FAM187B: variants seen among roughly 807,000 people sequenced by gnomAD.
FAM187B encodes protein FAM187B.
In FAM187B, 22 loss-of-function variants were observed where a neutral mutation model predicts 22.6. That is an observed-to-expected ratio of 0.97 (90% CI 0.70 to 1.39). The LOEUF (loss-of-function observed/expected upper bound fraction) is 1.39. Among genes scored for constraint, FAM187B ranks in the 40% most tolerant of loss-of-function variants. FAM187B has a pLI of 0.00. For missense variants in FAM187B, 433 were observed against 462.1 expected (o/e 0.94, Z 0.58); for synonymous variants, 192 against 201.8 (o/e 0.95, Z 0.41).
At position 35,227,510 on chromosome 19, in the gene FAM187B, G is replaced by A. The variant is rs1048981474; in HGVS notation, c.722+449C>T. Reference sequence around the variant, plus strand: ...GCTGGGATTACAGGCATGAGCCACCGCGCCCAGCCTGCATTTCTTATTAAG... The same window carrying A: ...GCTGGGATTACAGGCATGAGCCACCACGCCCAGCCTGCATTTCTTATTAAG... On this transcript the variant is annotated intron_variant, in intron 1 of 1. Coordinates refer to ENST00000324675, the MANE Select transcript of FAM187B (RefSeq NM_152481.2). Among the ~76,000 whole-genome samples, 22 of 152,172 alleles carry A rather than the reference G, an allele frequency of 1.4e-4. 1 individual carries two copies. Among genetic ancestry groups the A allele is most frequent in the African/African-American group, 2.4e-5 (1 of 41,458 alleles).
Position 35,228,631 on chromosome 19 carries a change from C to T in FAM187B, c.50G>A (p.Gly17Glu), listed in dbSNP as rs1245612519. ...LLLHFAAPAL[G>E]FYFSISCPSG... is the part of the protein sequence containing the mutation. ...GGGGCAGCTGATGGAAAAGTAGAAC[C>T]CCAGTGCCGGGGCAGCAAAGTGGAG... Residue 17 changes from glycine (G) to glutamate (E), a missense_variant, in exon 1 of 2, where the codon GGG (glycine) becomes GAG (glutamate). Gly to Glu is a moderately conservative substitution (Grantham distance 98). Coordinates refer to ENST00000324675, the MANE Select transcript of FAM187B (RefSeq NM_152481.2). The T allele has an allele frequency of 6.2e-7, 1 of 1,613,462 alleles. No individual in the cohort carries two copies. Among genetic ancestry groups the T allele is most frequent in the Non-Finnish European group, 8.5e-7 (1 of 1,179,938 alleles).
At position 35,228,722 on chromosome 19, in the gene FAM187B, C is replaced by T. The variant is rs1001779959; in HGVS notation, c.-42G>A. ...GGCAGTGGGCTGGTGCCACCCCGAA[C>T]ATTGTGAGGTCACCCATGAACTCTG... On this transcript the variant is annotated 5_prime_UTR_variant, in exon 1 of 2. An upstream start codon of the reference 5' UTR is lost. Coordinates refer to ENST00000324675, the MANE Select transcript of FAM187B (RefSeq NM_152481.2). 1.9e-6 allele frequency: 3 copies of T among 1,560,254 alleles called. No homozygotes were observed. Among genetic ancestry groups the T allele is most frequent in the African/African-American group, 2.7e-5 (2 of 74,190 alleles).
Position 35,225,897 on chromosome 19 carries a change from TA to T in FAM187B, c.723-686del, listed in dbSNP as rs1215117686. On this transcript the variant is annotated intron_variant, in intron 1 of 1. Transcript: ENST00000324675. ...TGGAGGAGTTAGCAAGGGCACTCCT[TA>T]AATGATTTGTCCACCTGCCTTTGCC... Among the ~76,000 whole-genome samples, 8 of 152,306 alleles carry T rather than the reference TA, an allele frequency of 5.3e-5. No homozygotes were observed. In the East Asian group the frequency reaches 1.5e-3, roughly 29 times the overall value.
At position 35,228,480 on chromosome 19, in the gene FAM187B, G is replaced by A. The variant is rs148249619; in HGVS notation, c.201C>T (p.Thr67=). ...GCATTATTTCCATATTGGAAATATT[G>A]GTGAGGCTGGTGAGCCTGCCCTTCT... The part of the protein sequence containing the change: ...QGKKGRLTSL[T]NISNMEIMPE... The change falls in exon 1 of 2, where the codon ACC becomes ACT. Residue 67 remains threonine (T), a synonymous_variant. Coordinates refer to ENST00000324675, the MANE Select transcript of FAM187B (RefSeq NM_152481.2). 6.2e-7 allele frequency: 1 copy of A among 1,614,202 alleles called. No individual in the cohort carries two copies. Among genetic ancestry groups the A allele is most frequent in the Non-Finnish European group, 8.5e-7 (1 of 1,180,040 alleles).
At chr19:35,227,803 C>G (rs1429863846) in intron 1 of FAM187B, among the ~76,000 whole-genome samples, 156 bp downstream of exon 1, 1 of 152,220 alleles carries the variant, frequency 6.6e-6, no homozygotes. Flanking sequence ...GCTGTGTCCC[C>G]CTCGGACTGT....
chr19:35,224,918 G>A lies in FAM187B; in HGVS notation c.1017C>T (p.Leu339=), dbSNP rs780115297. 15 of 1,613,776 alleles carry A rather than the reference G, an allele frequency of 9.3e-6. No individual in the cohort carries two copies. The highest frequency in any genetic ancestry group is 2.7e-5 in the African/African-American group (2 of 74,920). Reference sequence around the variant, plus strand: ...CCAGCAGGGCCAGGACGGTGACCACGAGCAGCACCAGCTTCAGCCCCTTGA... The same window carrying A: ...CCAGCAGGGCCAGGACGGTGACCACAAGCAGCACCAGCTTCAGCCCCTTGA... ...SVLKGLKLVL[L]VVTVLALLGA... is the part of the protein sequence containing the mutation. The change falls in exon 2 of 2, where the codon CTC becomes CTT. Residue 339 remains leucine, a synonymous_variant. Coordinates refer to ENST00000324675, the MANE Select transcript of FAM187B (RefSeq NM_152481.2).
chr19:35,227,220 GTT>G (rs1421697528), intron 1 of FAM187B, among the ~76,000 whole-genome samples: 2 of 151,568 alleles, frequency 1.3e-5, no homozygotes, highest in Admixed American at 1.3e-4. Flanking sequence ...GGGTTTTTTT[GTT>G]TTTTTGTTTT....
Position 35,228,179 on chromosome 19 carries a change from T to G in FAM187B, c.502A>C (p.Ile168Leu). ...GECKRLGYRY[I>L]EEPLEEAMPC... ...ATGGCTTCCTCCAGAGGCTCCTCAATGTAGCGGTACCCCAGGCGTTTACAC... is the reference window on the plus strand; with the variant it reads ...ATGGCTTCCTCCAGAGGCTCCTCAAGGTAGCGGTACCCCAGGCGTTTACAC... The change falls in exon 1 of 2, where the codon ATT becomes CTT. Residue 168 changes from isoleucine to leucine, a missense_variant. By Grantham distance (5) the Ile-to-Leu change is conservative. Transcript: ENST00000324675. 1 of 1,614,102 alleles carries G rather than the reference T, an allele frequency of 6.2e-7. No homozygotes were observed. Among genetic ancestry groups the G allele is most frequent in the Non-Finnish European group, 8.5e-7 (1 of 1,179,950 alleles).
chr19:35,227,078 G>A (rs551418866), intron 1 of FAM187B, among the ~76,000 whole-genome samples: 2 of 152,262 alleles, frequency 1.3e-5, no homozygotes, highest in South Asian at 4.1e-4. Context: ...CGGGATCTCT[G>A]ACTGCATCCA....
rs2065668008 is a variant in FAM187B, at chr19:35,228,245, C to A, written c.436G>T (p.Glu146Ter). The A allele has an allele frequency of 6.2e-7, 1 of 1,614,194 alleles. No homozygotes were observed. The highest frequency in any genetic ancestry group is 2.2e-5 in the East Asian group (1 of 44,876). ...CAGCGGTTGCAGTCCTGCCAGGGCTCCCACCAGGTAAAAATGAGCTGTTTG... is the reference window on the plus strand; with the variant it reads ...CAGCGGTTGCAGTCCTGCCAGGGCTACCACCAGGTAAAAATGAGCTGTTTG... The part of the protein sequence containing the change: ...GSKQLIFTWW[E>*]PWQDCNRCEE... The change falls in exon 1 of 2, where the codon GAG (glutamate) becomes TAG (stop). Residue 146 changes from glutamate to a stop codon, truncating the protein, a stop_gained. Coordinates refer to ENST00000324675, the MANE Select transcript of FAM187B (RefSeq NM_152481.2). LOFTEE classifies it high-confidence loss of function.
chr19:35,225,373 G>T (rs959366881), intron 1 of FAM187B, among the ~76,000 whole-genome samples, 161 bp from the exon 2 acceptor site: 1 of 135,724 alleles, frequency 7.4e-6, no homozygotes, highest in African/African-American at 2.5e-5. Flanking sequence ...ACAGCTGGGG[G>T]CTCCCAGGGC....
In FAM187B at chr19:35,225,164, C is replaced by G. The variant is rs1203875527; in HGVS notation, c.771G>C (p.Gln257His). The G allele has an allele frequency of 6.5e-6, 10 of 1,548,648 alleles. No individual in the cohort carries two copies. ...ANDTPLTWESQLSGQDFTTFL... is the reference protein window; with the variant it reads ...ANDTPLTWESHLSGQDFTTFL... ...AGGTGGTGAAGTCCTGGCCGGAGAG[C>G]TGGCTCTCCCACGTCAGGGGGGTGT... Residue 257 changes from glutamine to histidine, a missense_variant, in exon 2 of 2, where the codon CAG (glutamine) becomes CAC (histidine). Transcript: ENST00000324675.
chr19:35,227,935 G>A (rs545031722), intron 1 of FAM187B, 24 bp downstream of exon 1: 2 of 1,582,234 alleles, frequency 1.3e-6, no homozygotes, highest in East Asian at 4.5e-5. Flanking sequence ...TCTGGGTAGG[G>A]GCCAGAGGCA....
At chr19:35,225,472 T>C (rs535731414) in intron 1 of FAM187B, among the ~76,000 whole-genome samples, 240 of 152,232 alleles carry the variant, frequency 1.6e-3, no homozygotes, top group African/African-American at 5.5e-3. Context: ...CTGGGTGACC[T>C]GGGCAAATGC....
chr19:35,227,827 C>T (rs1477347365), intron 1 of FAM187B, 132 bp downstream of exon 1: 3 of 1,363,460 alleles, frequency 2.2e-6, no homozygotes, highest in Non-Finnish European at 3.0e-6. Context: ...AGAGCAGGGC[C>T]TGGCACTGTC....
chr19:35,227,440 G>A (rs574176564), intron 1 of FAM187B, among the ~76,000 whole-genome samples: 46 of 152,204 alleles, frequency 3.0e-4, no homozygotes, highest in Non-Finnish European at 5.1e-4. Flanking sequence ...GGCTGGTCTC[G>A]AACTCCTGAC....
intron 1 of FAM187B, among the ~76,000 whole-genome samples, chr19:35,227,193 G>T (rs946833096): frequency 6.6e-6 from 1 of 152,126 alleles, no homozygotes; most frequent in Non-Finnish European, 1.5e-5. Context: ...CCAGAAGGGT[G>T]AGACAATGGA....
intron 1 of FAM187B, among the ~76,000 whole-genome samples, chr19:35,225,830 CA>C (rs573770033): frequency 2.0e-5 from 3 of 151,060 alleles, no homozygotes; most frequent in Admixed American, 2.0e-4. Flanking sequence ...AACAACAAAC[CA>C]AAAAAAATGG....
chr19:35,228,577 A>T lies in FAM187B; in HGVS notation c.104T>A (p.Leu35His). ...PSGKQCQQAL[L>H]SGNDILLYCN... is the part of the protein sequence containing the mutation. Reference sequence around the variant, plus strand: ...ATACAGGAGAATATCATTGCCTGAGAGTAGGGCCTGTTGGCACTGCTTACC... The same window carrying T: ...ATACAGGAGAATATCATTGCCTGAGTGTAGGGCCTGTTGGCACTGCTTACC... The change falls in exon 1 of 2, where the codon CTC becomes CAC. Residue 35 changes from leucine to histidine, a missense_variant. Coordinates refer to ENST00000324675, the MANE Select transcript of FAM187B (RefSeq NM_152481.2). The T allele has an allele frequency of 6.2e-7, 1 of 1,614,146 alleles. No homozygotes were observed. The highest frequency in any genetic ancestry group is 8.5e-7 in the Non-Finnish European group (1 of 1,180,032).
Sources: gnomAD v4.1 joint callset for allele counts (sites outside exome capture counted in the v4.1 genomes callset) on GRCh38, gnomAD v4.1.1 for gene constraint, MANE v1.5 for transcripts, NCBI Gene and HGNC (gene_info 2026-07-23, HGNC 2026-07-21) for gene names.